The following STK32B variants were observed in gnomAD, a reference collection of about 807,000 sequenced individuals.
The protein encoded by STK32B is serine/threonine kinase 32B.
A neutral mutation model predicts 52.6 loss-of-function variants in STK32B; 43 were observed. The observed-to-expected ratio is 0.82, with a 90% CI of 0.64 to 1.05. The LOEUF (loss-of-function observed/expected upper bound fraction) is 1.05. STK32B is among the 50% of genes least tolerant of loss of function. The pLI is 0.00. For missense variants in STK32B, 621 were observed against 534.6 expected (o/e 1.16, Z -1.59); for synonymous variants, 238 against 204.3 (o/e 1.17, Z -1.41).
intron 3 of STK32B, among the ~76,000 whole-genome samples, chr4:5,225,916 A>G (rs1219513874): frequency 6.6e-6 from 1 of 152,160 alleles, no homozygotes; most frequent in African/African-American, 2.4e-5. Flanking sequence ...AATTTATCCA[A>G]AAAGCTTTGG....
At chr4:5,247,616 C>A (rs942417357) in intron 3 of STK32B, among the ~76,000 whole-genome samples, 2 of 152,192 alleles carry the variant, frequency 1.3e-5, no homozygotes, top group Non-Finnish European at 2.9e-5. Context: ...GTGTGATGAA[C>A]CCTGTACCTC....
chr4:5,104,872 T>C (rs1329804155), intron 1 of STK32B, among the ~76,000 whole-genome samples: 1 of 152,258 alleles, frequency 6.6e-6, no homozygotes, highest in Non-Finnish European at 1.5e-5. Flanking sequence ...ATTGGAGTTA[T>C]GTTCCATTGT....
intron 2 of STK32B, among the ~76,000 whole-genome samples, chr4:5,144,475 G>C (rs374149463): frequency 6.6e-6 from 1 of 152,246 alleles, no homozygotes; most frequent in African/African-American, 2.4e-5. Context: ...AAGATTTCTT[G>C]CTTGGAGGAG....
intron 11 of STK32B, among the ~76,000 whole-genome samples, chr4:5,488,091 T>C (rs1196924547): frequency 6.6e-6 from 1 of 152,108 alleles, no homozygotes; most frequent in Admixed American, 6.6e-5. Context: ...CCTATTCTTA[T>C]ATGGTCAGAC....
At chr4:5,034,061 GA>G in the STK32B span, among the ~76,000 whole-genome samples, 1 of 152,150 alleles carries the variant, frequency 6.6e-6, no homozygotes, top group South Asian at 2.1e-4. Context: ...GAAGGAAAGG[GA>G]AAAAAGCAGA....
intron 3 of STK32B, among the ~76,000 whole-genome samples, chr4:5,324,354 A>G (rs937988603): frequency 2.0e-5 from 3 of 152,138 alleles, no homozygotes; most frequent in African/African-American, 7.2e-5. Context: ...ACTCCATCTC[A>G]AAAAATAAAA....
chr4:5,034,934 C>G, the STK32B span, among the ~76,000 whole-genome samples: 19 of 152,206 alleles, frequency 1.2e-4, no homozygotes, highest in Non-Finnish European at 2.6e-4. Context: ...CACTGGCCAT[C>G]AACGACTTCC....
At chr4:5,390,754 G>A (rs1313583221) in intron 4 of STK32B, among the ~76,000 whole-genome samples, 1 of 152,082 alleles carries the variant, frequency 6.6e-6, no homozygotes, top group African/African-American at 2.4e-5. Context: ...TTCTTTTACA[G>A]TTCAGGAGGG....
intron 1 of STK32B, among the ~76,000 whole-genome samples, chr4:5,069,240 T>TG (rs1711609262): frequency 6.9e-6 from 1 of 145,734 alleles, no homozygotes; most frequent in Admixed American, 7.2e-5. Flanking sequence ...TCGCCCAGGC[T>TG]GGGGTACAGT....
At chr4:5,031,699 T>C in the STK32B span, among the ~76,000 whole-genome samples, 85,442 of 152,060 alleles carry the variant, frequency 0.56, 24,482 homozygotes, top group East Asian at 0.88. Flanking sequence ...TGCACAGGGA[T>C]GTAAGAAGCT....
chr4:5,020,188 T>C, the STK32B span, among the ~76,000 whole-genome samples: 3 of 152,066 alleles, frequency 2.0e-5, no homozygotes, highest in Non-Finnish European at 2.9e-5. Flanking sequence ...AAGAAGTGCA[T>C]CTCCCTCAGG....
intron 3 of STK32B, among the ~76,000 whole-genome samples, chr4:5,231,739 C>T (rs554357759): frequency 2.0e-5 from 3 of 152,176 alleles, no homozygotes; most frequent in Middle Eastern, 3.4e-3. Context: ...GGCTGAGGAC[C>T]GATGGTCAGG....
At chr4:5,403,200 A>G (rs1302358139) in intron 5 of STK32B, among the ~76,000 whole-genome samples, 3 of 152,086 alleles carry the variant, frequency 2.0e-5, no homozygotes, top group Non-Finnish European at 4.4e-5. Flanking sequence ...CAACCAACCA[A>G]TCCAGAGCCA....
intron 6 of STK32B, among the ~76,000 whole-genome samples, chr4:5,425,013 C>A (rs1366032429): frequency 6.6e-6 from 1 of 152,342 alleles, no homozygotes; most frequent in South Asian, 2.1e-4. Context: ...CAGACGCAGC[C>A]TTGGAGGGAG....
intron 3 of STK32B, among the ~76,000 whole-genome samples, chr4:5,257,263 GTGAA>G (rs1020902008): frequency 8.1e-5 from 12 of 147,838 alleles, no homozygotes; most frequent in African/African-American, 3.2e-4. Context: ...GAATGAATGA[GTGAA>G]TGATGAAGTG....
At chr4:5,368,048 A>G (rs898429274) in intron 4 of STK32B, among the ~76,000 whole-genome samples, 4 of 151,946 alleles carry the variant, frequency 2.6e-5, no homozygotes, top group Non-Finnish European at 2.9e-5. Context: ...CCCGATTTCT[A>G]CCTCTTCTGG....
the STK32B span, chr4:5,019,417 A>T: frequency 6.7e-7 from 1 of 1,485,336 alleles, no homozygotes. Flanking sequence ...GAGCAGCAGC[A>T]GCACGGGCAG....
At position 5,131,470 on chromosome 4, in the gene STK32B, C is replaced by T. The variant is rs573007385; in HGVS notation, c.53-8435C>T. On this transcript the variant is annotated intron_variant, in intron 1 of 11. Transcript: ENST00000282908. ...ATATTTTTCGTTCTCCTCCTCAGAA[C>T]CCTGTAGTACTTTCTCATCATGTTT... is the stretch of plus-strand genomic sequence containing the variant. Among the ~76,000 whole-genome samples the T allele has an allele frequency of 2.0e-5, 3 of 152,316 alleles. No homozygotes were observed. In the South Asian group the frequency reaches 6.2e-4, roughly 32 times the overall value.
chr4:5,024,057 G>T, the STK32B span, among the ~76,000 whole-genome samples: 1 of 152,202 alleles, frequency 6.6e-6, no homozygotes, highest in African/African-American at 2.4e-5. Context: ...CTCAGGAATG[G>T]TTTGATCCAG....
Sources: allele counts gnomAD v4.1 joint callset (sites outside exome capture counted in the v4.1 genomes callset), GRCh38; gene constraint gnomAD v4.1.1; transcripts MANE v1.5; gene names NCBI Gene and HGNC (gene_info 2026-07-23, HGNC 2026-07-21).